Variants in MAP2K5 observed in about 807,000 individuals in gnomAD.
MAP2K5 encodes mitogen-activated protein kinase kinase 5, also known as dual specificity mitogen-activated protein kinase kinase 5.
Under a neutral mutation model 83.1 loss-of-function variants are expected in MAP2K5, and 49 were observed. The ratio of observed to expected loss-of-function variants is 0.59; its 90% CI spans 0.47 to 0.75. The LOEUF is 0.75. MAP2K5 is among the 30% of genes least tolerant of loss of function. The pLI, the probability that MAP2K5 is intolerant of heterozygous loss-of-function variation, is 0.00. For missense variants in MAP2K5, 457 were observed against 557.5 expected (o/e 0.82, Z 1.82); for synonymous variants, 202 against 191.8 (o/e 1.05, Z -0.44).
rs926010741 is a variant in MAP2K5, at chr15:67,717,955, T to G, written c.1045-9961T>G. The G allele has an allele frequency of 6.6e-6, 1 of 152,216 alleles. No individual in the cohort carries two copies. Among genetic ancestry groups the G allele is most frequent in the Non-Finnish European group, 1.5e-5 (1 of 68,060 alleles). 9.4% of individuals were successfully genotyped at this position (152,216 alleles called of 1,614,324 possible). On this transcript the variant is annotated intron_variant, in intron 16 of 21. Coordinates refer to ENST00000178640, the MANE Select transcript of MAP2K5 (RefSeq NM_145160.3). This position sits in a 1 kb window ranked among gnomAD's most constrained non-coding sequence, Gnocchi z 4.1. ...TGATGATGAAACAACAGGGTCACAT[T>G]CCAAAAGAGCATCTTGGGCTGTAGA...
At chr15:67,685,823 T>C (rs2087938123) in intron 13 of MAP2K5, among the ~76,000 whole-genome samples, 1 of 152,216 alleles carries the variant, frequency 6.6e-6, no homozygotes, top group Non-Finnish European at 1.5e-5. Context: ...TGGGCAAAAA[T>C]TGGGCCTTCG....
intron 9 of MAP2K5, among the ~76,000 whole-genome samples, chr15:67,632,803 C>G (rs1466639307): frequency 6.6e-6 from 1 of 152,152 alleles, no homozygotes; most frequent in Non-Finnish European, 1.5e-5. Flanking sequence ...AAGTTGAAAC[C>G]AAAACTAAGG....
intron 21 of MAP2K5, 50 bp from the exon 22 acceptor site, chr15:67,806,596 G>A: frequency 1.3e-6 from 2 of 1,483,490 alleles, no homozygotes; most frequent in Non-Finnish European, 1.8e-6. Flanking sequence ...AGTACAATGA[G>A]CGCGGGAGTC....
chr15:67,761,163 G>T (rs1188901139), intron 19 of MAP2K5, among the ~76,000 whole-genome samples: 4 of 151,766 alleles, frequency 2.6e-5, no homozygotes, highest in Non-Finnish European at 5.9e-5. Flanking sequence ...AGTAGCAGAT[G>T]GCATTATGAT....
chr15:67,696,150 A>G lies in MAP2K5; in HGVS notation c.972+2582A>G, dbSNP rs571596204. Among the ~76,000 whole-genome samples the G allele has an allele frequency of 2.5e-4, 36 of 144,708 alleles. No homozygotes were observed. In the East Asian group the frequency reaches 4.4e-3, roughly 18 times the overall value. 94.9% of individuals were successfully genotyped at this position (144,708 alleles called of 152,430 possible). On this transcript the variant is annotated intron_variant, in intron 15 of 21. Transcript: ENST00000178640. The stretch of plus-strand genomic sequence containing the variant: ...AGCTTTTTTTTTTTTTTTTTTAACC[A>G]CAACTAGTTCTCATTTTAGCTGTTA...
chr15:67,664,666 C>T (rs769499663), intron 13 of MAP2K5, 21 bp downstream of exon 13: 1 of 1,576,536 alleles, frequency 6.3e-7, no homozygotes, highest in Non-Finnish European at 8.7e-7. Flanking sequence ...GGCTTATAAG[C>T]TTGGATTTAA....
intron 7 of MAP2K5, among the ~76,000 whole-genome samples, chr15:67,597,108 G>T (rs1393608406): frequency 6.6e-6 from 1 of 151,366 alleles, no homozygotes; most frequent in East Asian, 1.9e-4. Context: ...GGCGGAGCTT[G>T]CAGTGAGCCG....
At chr15:67,584,198 C>T (rs781530134) in intron 4 of MAP2K5, among the ~76,000 whole-genome samples, 4 of 152,160 alleles carry the variant, frequency 2.6e-5, no homozygotes, top group Admixed American at 1.3e-4. Context: ...TATAGTAATT[C>T]CTGACCCGAT....
In MAP2K5 at chr15:67,693,075, G is replaced by T. The variant is rs560886139; in HGVS notation, c.922-443G>T. 2.6e-5 allele frequency among the ~76,000 whole-genome samples: 4 copies of T among 152,310 alleles called. No homozygotes were observed. In the East Asian group the frequency reaches 7.7e-4, roughly 29 times the overall value. On this transcript the variant is annotated intron_variant, in intron 14 of 21. Transcript: ENST00000178640. Reference sequence around the variant, plus strand: ...CCCAGCCAAACACGAAGACCAAAGCGAAGGTCATCGTTGTATTATGAGTTG... The same window carrying T: ...CCCAGCCAAACACGAAGACCAAAGCTAAGGTCATCGTTGTATTATGAGTTG...
At chr15:67,544,649 CTG>C (rs1231691959) in intron 1 of MAP2K5, among the ~76,000 whole-genome samples, 2 of 152,184 alleles carry the variant, frequency 1.3e-5, no homozygotes, top group African/African-American at 4.8e-5. Context: ...TGCAGAATAA[CTG>C]AGGCATGGAA....
chr15:67,739,458 ATATATTTTTTTTTTTTTTTTTTTTTT>A (rs1264171231), intron 17 of MAP2K5, among the ~76,000 whole-genome samples: 29 of 18,916 alleles, frequency 1.5e-3, no homozygotes, highest in African/African-American at 3.6e-3. Flanking sequence ...ATATATATAT[ATATATTTTTTTTTTTTTTTTTTTTTT>A]TTTTTTTTTT....
Position 67,572,855 on chromosome 15 carries a change from C to T in MAP2K5, c.253-7899C>T, listed in dbSNP as rs1325136557. Among the ~76,000 whole-genome samples, 7 of 152,012 alleles carry T rather than the reference C, an allele frequency of 4.6e-5. No homozygotes were observed. The highest frequency in any genetic ancestry group is 1.5e-4 in the African/African-American group (6 of 41,372). ...CTGGGACTACAGGCACCTGCTACCA[C>T]GCCCAGCTAAGTTTTGTATTTTTAG... On this transcript the variant is annotated intron_variant, in intron 3 of 21. Coordinates refer to ENST00000178640, the MANE Select transcript of MAP2K5 (RefSeq NM_145160.3). This position sits in a 1 kb window ranked among gnomAD's most constrained non-coding sequence, Gnocchi z 4.2.
chr15:67,704,436 C>G (rs542875655), intron 16 of MAP2K5, among the ~76,000 whole-genome samples: 28 of 152,284 alleles, frequency 1.8e-4, no homozygotes, highest in Non-Finnish European at 2.8e-4. Flanking sequence ...TAAATAATAT[C>G]ATAGATAGAG....
chr15:67,616,867 A>G (rs2086067370), intron 8 of MAP2K5, among the ~76,000 whole-genome samples: 1 of 152,156 alleles, frequency 6.6e-6, no homozygotes, highest in South Asian at 2.1e-4. Flanking sequence ...AGAACCTTTC[A>G]ACAATTGATA....
intron 3 of MAP2K5, among the ~76,000 whole-genome samples, chr15:67,575,077 T>C: frequency 6.6e-6 from 1 of 152,104 alleles, no homozygotes; most frequent in Non-Finnish European, 1.5e-5. Flanking sequence ...GTTTTGGACC[T>C]GTTGAATTGG....
At chr15:67,670,720 C>G (rs12900208) in intron 13 of MAP2K5, among the ~76,000 whole-genome samples, 32,021 of 151,622 alleles carry the variant, frequency 0.21, 4,943 homozygotes, top group East Asian at 0.6. Context: ...CCAACCCCCC[C>G]ACCCCAAGAA....
At chr15:67,799,162 C>T (rs541698832) in intron 21 of MAP2K5, among the ~76,000 whole-genome samples, 2 of 152,334 alleles carry the variant, frequency 1.3e-5, no homozygotes, top group African/African-American at 4.8e-5. Flanking sequence ...GAGCGAGACT[C>T]CGTCTCAAAA....
chr15:67,737,143 G>A (rs1177054689), intron 17 of MAP2K5, among the ~76,000 whole-genome samples: 1 of 152,184 alleles, frequency 6.6e-6, no homozygotes, highest in African/African-American at 2.4e-5. Flanking sequence ...ATCCACTCAA[G>A]TACTGCCTCC....
intron 15 of MAP2K5, among the ~76,000 whole-genome samples, chr15:67,701,394 G>T (rs1178153857): frequency 6.6e-6 from 1 of 152,144 alleles, no homozygotes; most frequent in East Asian, 1.9e-4. Flanking sequence ...AGGTATGTCT[G>T]CCTAGTACTC....
Sources: gnomAD v4.1 joint callset for allele counts (sites outside exome capture counted in the v4.1 genomes callset) on GRCh38, gnomAD v4.1.1 for gene constraint, Gnocchi (gnomAD v3.1) non-coding constraint, MANE v1.5 for transcripts, NCBI Gene and HGNC (gene_info 2026-07-23, HGNC 2026-07-21) for gene names.